The following LAMB4 variants were observed in gnomAD, a reference collection of about 807,000 sequenced individuals.
LAMB4 encodes the protein laminin subunit beta 4.
Under a neutral mutation model 199.2 loss-of-function variants are expected in LAMB4, and 196 were observed. That is an observed-to-expected ratio of 0.98 (90% CI 0.88 to 1.11). LAMB4 has a LOEUF of 1.11. Ranked by LOEUF, LAMB4 falls within the 50% of genes least tolerant of loss-of-function variation. The pLI, the probability that LAMB4 is intolerant of heterozygous loss-of-function variation, is 0.00. For missense variants in LAMB4, 2,080 were observed against 2,171.2 expected, an observed-to-expected ratio of 0.96 and a Z score of 0.83; for synonymous variants, 744 against 770.6, an observed-to-expected ratio of 0.97 and a Z score of 0.57.
At chr7:108,046,705 C>A (rs1215818441) in intron 28 of LAMB4, among the ~76,000 whole-genome samples, 1 of 151,948 alleles carries the variant, frequency 6.6e-6, no homozygotes, top group East Asian at 1.9e-4. Flanking sequence ...AATGTTAAAA[C>A]AACTTTCTCA....
chr7:108,101,691 G>T (rs1370769680), intron 10 of LAMB4, among the ~76,000 whole-genome samples: 3 of 152,146 alleles, frequency 2.0e-5, no homozygotes, highest in African/African-American at 7.2e-5. Flanking sequence ...GGATGAGAGT[G>T]AGCAAGCAAG....
At chr7:108,025,412 TC>T (rs2034802492) in intron 33 of LAMB4, among the ~76,000 whole-genome samples, 2 of 132,858 alleles carry the variant, frequency 1.5e-5, no homozygotes, top group African/African-American at 4.1e-5. Flanking sequence ...TTTCTTTCTT[TC>T]TTTCTTCTTT....
chr7:108,028,472 ATTTTTTTTT>A (rs1195925912), intron 33 of LAMB4, among the ~76,000 whole-genome samples: 3 of 111,790 alleles, frequency 2.7e-5, no homozygotes, highest in East Asian at 5.1e-4. Flanking sequence ...AAAAAAGGGC[ATTTTTTTTT>A]TTTTTTTTTT....
chr7:108,104,392 G>T, intron 9 of LAMB4, 107 bp downstream of exon 9: 1 of 1,323,962 alleles, frequency 7.6e-7, no homozygotes, highest in Non-Finnish European at 1.0e-6. Context: ...TGGGAGGACA[G>T]CCTCCCCACT....
chr7:108,032,692 T>TTG lies in LAMB4; in HGVS notation c.4818+1514_4818+1515dup, dbSNP rs1311916829. ...AAGTTTTTCTACTGACTCTGTGTGT[T>TTG]TGCGTGTGTGTGTGTGTGTGTGTGT... On this transcript the variant is annotated intron_variant, in intron 31 of 33. Coordinates refer to ENST00000388781, the MANE Select transcript of LAMB4 (RefSeq NM_007356.3). Among the ~76,000 whole-genome samples, 10 of 136,902 alleles carry TTG rather than the reference T, an allele frequency of 7.3e-5. No individual in the cohort carries two copies. The South Asian group carries it at 2.1e-3, about 28-fold the overall frequency. 89.8% of individuals were successfully genotyped at this position (136,902 alleles called of 152,430 possible). A position where few individuals can be genotyped will look rare whatever the true frequency, so the allele number is the denominator to read the frequency against.
intron 26 of LAMB4, among the ~76,000 whole-genome samples, chr7:108,051,196 C>T (rs1032964397): frequency 2.6e-5 from 4 of 152,186 alleles, no homozygotes; most frequent in African/African-American, 9.7e-5. Context: ...TTACTCATTA[C>T]ATGGCATTTA....
At chr7:108,084,208 G>A (rs1034281182) in intron 14 of LAMB4, among the ~76,000 whole-genome samples, 2 of 152,116 alleles carry the variant, frequency 1.3e-5, no homozygotes, top group Non-Finnish European at 1.5e-5. Context: ...TATAGCCTTG[G>A]TACCAACTGC....
At chr7:108,055,527 T>G in intron 25 of LAMB4, 105 bp downstream of exon 25, 1 of 1,222,836 alleles carries the variant, frequency 8.2e-7, no homozygotes, top group African/African-American at 1.5e-5. Context: ...TCCCCTAAAG[T>G]CAACATAGGT....
At chr7:108,016,310 G>A in the LAMB4 span, among the ~76,000 whole-genome samples, 2 of 127,086 alleles carry the variant, frequency 1.6e-5, no homozygotes, top group African/African-American at 6.4e-5. Context: ...TTGAGATGGA[G>A]TCTCGCTCTG....
intron 11 of LAMB4, 86 bp from the exon 12 acceptor site, chr7:108,095,423 C>CA (rs767564411): frequency 7.2e-6 from 7 of 974,938 alleles, no homozygotes; most frequent in Non-Finnish European, 1.1e-5. Flanking sequence ...AAGCAAGAAG[C>CA]ATAACCGCAA....
rs530831956 is a variant in LAMB4, at chr7:108,069,777, G to A, written c.2233C>T (p.Gln745Ter). Reference protein sequence around the residue: ...CVEIASAMGPQVLPGACERLI... With the variant: ...CVEIASAMGP ...CTTTCACAGGCACCCGGGAGCACTT[G>A]AGGTCCCATTGCTGAGGCAATTTCA... is the stretch of plus-strand genomic sequence containing the variant. The change falls in exon 18 of 34, where the codon CAA becomes TAA. Residue 745 changes from glutamine to a stop codon, truncating the protein, a stop_gained. Coordinates refer to ENST00000388781, the MANE Select transcript of LAMB4 (RefSeq NM_007356.3). LOFTEE classifies it high-confidence loss of function. 1 of 1,613,940 alleles carries A rather than the reference G, an allele frequency of 6.2e-7. No individual in the cohort carries two copies. Among genetic ancestry groups the A allele is most frequent in the Non-Finnish European group, 8.5e-7 (1 of 1,179,938 alleles).
Position 108,066,588 on chromosome 7 carries a change from T to A in LAMB4, c.2459A>T (p.His820Leu), listed in dbSNP as rs752829635. Residue 820 changes from histidine (H) to leucine (L), a missense_variant, in exon 20 of 34, where the codon CAT becomes CTT. His to Leu is a moderately conservative substitution (Grantham distance 99). Coordinates refer to ENST00000388781, the MANE Select transcript of LAMB4 (RefSeq NM_007356.3). ...GHHGCHPCHC[H>L]PQGSKDTVCD... The stretch of plus-strand genomic sequence containing the variant: ...TACAGTGTCCTTTGATCCTTGAGGA[T>A]GGCAGTGACATGCTGGATGAAGCAA... 5 of 1,607,604 alleles carry A rather than the reference T, an allele frequency of 3.1e-6. No individual in the cohort carries two copies. Among genetic ancestry groups the A allele is most frequent in the Non-Finnish European group, 4.3e-6 (5 of 1,176,220 alleles).
chr7:108,048,418 G>A lies in LAMB4; in HGVS notation c.4123-307C>T, dbSNP rs1287267407. ...TGACCTCAGGTGATCCGCCCACCTC[G>A]GCCTCCCAAAGTGCTGAGATTACAG... On this transcript the variant is annotated intron_variant, in intron 27 of 33. Transcript: ENST00000388781. Among the ~76,000 whole-genome samples the A allele has an allele frequency of 7.9e-5, 12 of 152,056 alleles. No homozygotes were observed. In the South Asian group the frequency reaches 1.7e-3, roughly 21 times the overall value.
chr7:108,017,423 G>A, the LAMB4 span, among the ~76,000 whole-genome samples: 520 of 152,194 alleles, frequency 3.4e-3, 5 homozygotes, highest in African/African-American at 0.012. Context: ...CAGGGTGGAG[G>A]GCAGGAAAGG....
chr7:108,050,987 G>T (rs1374814032), intron 26 of LAMB4, among the ~76,000 whole-genome samples: 1 of 152,148 alleles, frequency 6.6e-6, no homozygotes, highest in Non-Finnish European at 1.5e-5. Flanking sequence ...GTAGGGACTT[G>T]CTGTAATGAT....
At chr7:108,107,968 T>C in intron 5 of LAMB4, 149 bp from the exon 6 acceptor site, 1 of 646,734 alleles carries the variant, frequency 1.5e-6, no homozygotes. Context: ...TGAGACAGGA[T>C]CTCACTCTGT....
At chr7:108,118,893 T>C (rs892301972) in intron 2 of LAMB4, among the ~76,000 whole-genome samples, 2 of 152,140 alleles carry the variant, frequency 1.3e-5, no homozygotes, top group Non-Finnish European at 2.9e-5. Context: ...AAACCATATA[T>C]CCAACAAAGC....
intron 14 of LAMB4, among the ~76,000 whole-genome samples, chr7:108,082,514 T>C (rs995623462): frequency 3.3e-5 from 5 of 152,168 alleles, no homozygotes; most frequent in African/African-American, 1.2e-4. Context: ...AGTGCCACCA[T>C]GGTCCCCTTG....
At chr7:108,106,878 T>A (rs1349349815) in intron 6 of LAMB4, among the ~76,000 whole-genome samples, 1 of 152,164 alleles carries the variant, frequency 6.6e-6, no homozygotes, top group African/African-American at 2.4e-5. Context: ...TGAAATGCAC[T>A]CTTACAGAAG....
Sources: gnomAD v4.1 joint callset for allele counts (sites outside exome capture counted in the v4.1 genomes callset) on GRCh38, gnomAD v4.1.1 for gene constraint, MANE v1.5 for transcripts, NCBI Gene and HGNC (gene_info 2026-07-23, HGNC 2026-07-21) for gene names.